Variants in ARB2A observed in about 807,000 individuals in gnomAD.
The protein encoded by ARB2A is cotranscriptional regulator ARB2A.
chr5:93,904,399 A>G, the ARB2A span, among the ~76,000 whole-genome samples: 1 of 151,830 alleles, frequency 6.6e-6, no homozygotes, highest in Non-Finnish European at 1.5e-5. Context: ...TTTATTACGG[A>G]ATATTTCAGA....
the ARB2A span, among the ~76,000 whole-genome samples, chr5:93,744,006 A>C: frequency 6.6e-6 from 1 of 152,214 alleles, no homozygotes; most frequent in East Asian, 1.9e-4. Flanking sequence ...AAAAAGGTTC[A>C]TTAGTGGTTT....
At chr5:94,110,156 A>G in the ARB2A span, among the ~76,000 whole-genome samples, 1 of 152,222 alleles carries the variant, frequency 6.6e-6, no homozygotes, top group East Asian at 1.9e-4. Context: ...AAATGCTAGG[A>G]TTACAGGCGT....
chr5:93,865,093 T>G, the ARB2A span, among the ~76,000 whole-genome samples: 1 of 151,650 alleles, frequency 6.6e-6, no homozygotes, highest in South Asian at 2.1e-4. Flanking sequence ...GGCTAATTTC[T>G]TTTTTTTTGA....
the ARB2A span, among the ~76,000 whole-genome samples, chr5:93,809,765 A>G: frequency 6.6e-6 from 1 of 152,036 alleles, no homozygotes; most frequent in Non-Finnish European, 1.5e-5. Flanking sequence ...CAAATATAGG[A>G]ATTTTGAGTT....
chr5:93,852,243 G>A, the ARB2A span, among the ~76,000 whole-genome samples: 4 of 152,040 alleles, frequency 2.6e-5, no homozygotes, highest in South Asian at 2.1e-4. Context: ...TTGGCTGCAT[G>A]AATGTCTTCT....
At chr5:93,861,325 T>TTTTTTTTC in the ARB2A span, 1 of 121,072 alleles carries the variant, frequency 8.3e-6, no homozygotes, top group Non-Finnish European at 1.8e-5. Flanking sequence ...TTTTTTTTTT[T>TTTTTTTTC]TTTAGCTCTG....
the ARB2A span, among the ~76,000 whole-genome samples, chr5:93,889,812 G>GA: frequency 0.72 from 109,134 of 151,516 alleles, 41,003 homozygotes; most frequent in South Asian, 0.85. Flanking sequence ...GCATATTCAG[G>GA]AAAAAAGTCA....
chr5:93,907,197 T>C, the ARB2A span, among the ~76,000 whole-genome samples: 2 of 151,370 alleles, frequency 1.3e-5, no homozygotes, highest in Non-Finnish European at 3.0e-5. Context: ...AAGTCCCTGC[T>C]GTGAAAATAA....
chr5:93,855,169 T>C, the ARB2A span, among the ~76,000 whole-genome samples: 33 of 152,212 alleles, frequency 2.2e-4, no homozygotes, highest in Non-Finnish European at 2.9e-5. Context: ...ATATTTAGGA[T>C]AGTTAGCTCT....
the ARB2A span, among the ~76,000 whole-genome samples, chr5:93,986,195 C>T: frequency 0.71 from 106,204 of 150,236 alleles, 39,435 homozygotes; most frequent in South Asian, 0.85. Context: ...GCCGCGACCC[C>T]GTCTGGGAAC....
chr5:93,932,203 A>G, the ARB2A span, among the ~76,000 whole-genome samples: 1 of 152,102 alleles, frequency 6.6e-6, no homozygotes, highest in Non-Finnish European at 1.5e-5. Flanking sequence ...TTGGTTCATG[A>G]GAATTTGCTG....
chr5:93,782,725 T>C, the ARB2A span, among the ~76,000 whole-genome samples: 4 of 152,160 alleles, frequency 2.6e-5, no homozygotes, highest in Non-Finnish European at 5.9e-5. Flanking sequence ...TATTATAGTT[T>C]ACAGATGAGA....
chr5:93,696,016 C>T, the ARB2A span, among the ~76,000 whole-genome samples: 1 of 151,626 alleles, frequency 6.6e-6, no homozygotes, highest in African/African-American at 2.4e-5. Flanking sequence ...AGAGGAACAT[C>T]ACACACCGGG....
chr5:93,752,397 T>G, the ARB2A span, among the ~76,000 whole-genome samples: 1 of 152,222 alleles, frequency 6.6e-6, no homozygotes, highest in Non-Finnish European at 1.5e-5. Context: ...ATTATTCAGT[T>G]ATTTATCTAA....
At chr5:94,093,184 C>G in the ARB2A span, among the ~76,000 whole-genome samples, 3 of 151,936 alleles carry the variant, frequency 2.0e-5, no homozygotes, top group African/African-American at 7.3e-5. Flanking sequence ...TCAGATGACT[C>G]AACTTTAAAA....
the ARB2A span, chr5:93,964,487 C>A: frequency 2.8e-5 from 45 of 1,581,518 alleles, no homozygotes; most frequent in Non-Finnish European, 3.6e-5. Context: ...AAATTACAAT[C>A]CTTTTCCAGG....
chr5:93,843,635 T>C, the ARB2A span, among the ~76,000 whole-genome samples: 1 of 152,010 alleles, frequency 6.6e-6, no homozygotes, highest in Admixed American at 6.6e-5. Context: ...GGTCTCACTA[T>C]GTTACCCAGG....
chr5:93,849,634 T>C, the ARB2A span, among the ~76,000 whole-genome samples: 1 of 152,160 alleles, frequency 6.6e-6, no homozygotes, highest in Non-Finnish European at 1.5e-5. Flanking sequence ...TTGAGGAATA[T>C]AATACTTTGG....
the ARB2A span, among the ~76,000 whole-genome samples, chr5:93,917,228 T>C: frequency 6.6e-6 from 1 of 152,166 alleles, no homozygotes; most frequent in Non-Finnish European, 1.5e-5. Context: ...TCCCCACTAA[T>C]AATGTTGATG....
Sources: gnomAD v4.1 joint callset for allele counts (sites outside exome capture counted in the v4.1 genomes callset) on GRCh38, gnomAD v4.1.1 for gene constraint, MANE v1.5 for transcripts, NCBI Gene and HGNC (gene_info 2026-07-23, HGNC 2026-07-21) for gene names.